PELI2: variants seen among roughly 807,000 people sequenced by gnomAD.
PELI2 encodes the protein E3 ubiquitin-protein ligase pellino homolog 2.
PELI2 carries 23 observed loss-of-function variants against 42.3 expected under a neutral mutation model. That is an observed-to-expected ratio of 0.54 (90% CI 0.39 to 0.77). The LOEUF is 0.77. Among genes scored for constraint, PELI2 ranks in the 30% least tolerant of loss-of-function variants. PELI2 has a pLI of 0.00. For synonymous variants in PELI2, 245 were observed against 212.2 expected (o/e 1.15, Z -1.34); for missense variants, 463 against 553.2 (o/e 0.84, Z 1.64).
chr14:56,125,404 T>G, intron 1 of PELI2, among the ~76,000 whole-genome samples: 1 of 138,898 alleles, frequency 7.2e-6, no homozygotes, highest in Non-Finnish European at 1.6e-5. Context: ...GGAAGAGAGT[T>G]ATTGGGTGGG....
chr14:56,202,587 A>C (rs1321122658), intron 2 of PELI2, among the ~76,000 whole-genome samples: 1 of 151,978 alleles, frequency 6.6e-6, no homozygotes. Context: ...GTGTCTGATG[A>C]TATTTGGATG....
At chr14:56,210,142 A>G (rs1208683665) in intron 2 of PELI2, among the ~76,000 whole-genome samples, 2 of 152,138 alleles carry the variant, frequency 1.3e-5, no homozygotes, top group East Asian at 1.9e-4. Context: ...GAAGCATGCC[A>G]AAGTATTTAG....
chr14:56,128,644 C>G (rs1883367790), intron 1 of PELI2, among the ~76,000 whole-genome samples: 2 of 151,942 alleles, frequency 1.3e-5, no homozygotes, highest in Non-Finnish European at 2.9e-5. Context: ...GATTTTGGAA[C>G]CTTGAGGGGT....
intron 2 of PELI2, among the ~76,000 whole-genome samples, chr14:56,192,070 G>C (rs1293771046): frequency 2.6e-5 from 4 of 152,208 alleles, no homozygotes; most frequent in African/African-American, 9.6e-5. Context: ...GGCCAGGCTG[G>C]TCTTGAACTG....
At chr14:56,222,976 AAATGGTGAAC>A (rs1248000311) in intron 2 of PELI2, among the ~76,000 whole-genome samples, 19 of 152,140 alleles carry the variant, frequency 1.2e-4, no homozygotes, top group African/African-American at 4.3e-4. Flanking sequence ...ATACCTTGGC[AAATGGTGAAC>A]AATCGAGGAC....
At chr14:56,247,096 T>C (rs1888189216) in intron 2 of PELI2, among the ~76,000 whole-genome samples, 1 of 152,174 alleles carries the variant, frequency 6.6e-6, no homozygotes, top group Non-Finnish European at 1.5e-5. Flanking sequence ...AATGGACCTG[T>C]AGAATTGTGT....
chr14:56,246,693 TA>T (rs1237869239), intron 2 of PELI2, among the ~76,000 whole-genome samples: 1 of 152,188 alleles, frequency 6.6e-6, no homozygotes, highest in Non-Finnish European at 1.5e-5. Flanking sequence ...ACTTTGCAAA[TA>T]GTTTTGATTA....
chr14:56,213,925 C>T (rs565954169), intron 2 of PELI2, among the ~76,000 whole-genome samples: 2 of 151,700 alleles, frequency 1.3e-5, no homozygotes, highest in African/African-American at 2.4e-5. Context: ...GATCTCGGCT[C>T]GCTGCAACCT....
At chr14:56,248,381 T>C (rs12590635) in intron 2 of PELI2, among the ~76,000 whole-genome samples, 28,628 of 152,084 alleles carry the variant, frequency 0.19, 2,766 homozygotes, top group East Asian at 0.23. Context: ...CTTTTTTTTT[T>C]TAATCTGAAA....
chr14:56,138,362 T>C (rs1302482286), intron 1 of PELI2, among the ~76,000 whole-genome samples: 1 of 152,222 alleles, frequency 6.6e-6, no homozygotes, highest in Admixed American at 6.5e-5. Context: ...AGTTAGAGTC[T>C]GATTGTGGAA....
chr14:56,130,983 T>C (rs1317845082), intron 1 of PELI2, among the ~76,000 whole-genome samples: 1 of 152,252 alleles, frequency 6.6e-6, no homozygotes, highest in Non-Finnish European at 1.5e-5. Context: ...GGGCTTCAAG[T>C]ACTTTTCCTC....
At chr14:56,213,878 G>T (rs928439616) in intron 2 of PELI2, among the ~76,000 whole-genome samples, 3 of 152,142 alleles carry the variant, frequency 2.0e-5, no homozygotes, top group African/African-American at 4.8e-5. Flanking sequence ...TTGAGACAGG[G>T]TCTCACTCTG....
At chr14:56,143,480 C>T (rs1195083181) in intron 1 of PELI2, among the ~76,000 whole-genome samples, 1 of 152,216 alleles carries the variant, frequency 6.6e-6, no homozygotes. Context: ...ATTTTAGCAT[C>T]CATCAGTAGA....
chr14:56,140,790 G>T (rs1883876261), intron 1 of PELI2, among the ~76,000 whole-genome samples: 1 of 152,144 alleles, frequency 6.6e-6, no homozygotes, highest in Non-Finnish European at 1.5e-5. Context: ...AAGAACTGGT[G>T]CCCACAGGAT....
At chr14:56,224,716 G>T (rs1005186491) in intron 2 of PELI2, among the ~76,000 whole-genome samples, 1 of 152,126 alleles carries the variant, frequency 6.6e-6, no homozygotes, top group Non-Finnish European at 1.5e-5. Flanking sequence ...ATATATACAT[G>T]GAAGGAAATG....
chr14:56,223,643 CTTGA>C (rs1887233736), intron 2 of PELI2, among the ~76,000 whole-genome samples: 1 of 152,150 alleles, frequency 6.6e-6, no homozygotes, highest in Non-Finnish European at 1.5e-5. Context: ...GCATACATGT[CTTGA>C]TTATTTTTCT....
rs757787548 is a variant in PELI2, at chr14:56,219,242, G to GGAAGGAAGAAGACA, written c.207+40790_207+40803dup. Among the ~76,000 whole-genome samples the GGAAGGAAGAAGACA allele has an allele frequency of 6.6e-6, 1 of 151,872 alleles. No individual in the cohort carries two copies. The highest frequency in any genetic ancestry group is 2.4e-5 in the African/African-American group (1 of 41,304). Reference sequence around the variant, plus strand: ...GAGCAGAGAGTTTAATAGGCAAGAAGGAAGGAAGAAGACAGAAGGAAGAAG... The same window carrying GGAAGGAAGAAGACA: ...GAGCAGAGAGTTTAATAGGCAAGAAGGAAGGAAGAAGACAGAAGGAAGAAGACAGAAGGAAGAAG... On this transcript the variant is annotated intron_variant, in intron 2 of 5. Coordinates refer to ENST00000267460, the MANE Select transcript of PELI2 (RefSeq NM_021255.3). The surrounding 1 kb of genome is among the most constrained non-coding windows in gnomAD (Gnocchi z 4.1).
At chr14:56,140,346 G>T (rs1195330994) in intron 1 of PELI2, among the ~76,000 whole-genome samples, 2 of 152,146 alleles carry the variant, frequency 1.3e-5, no homozygotes, top group African/African-American at 4.8e-5. Flanking sequence ...CACTTTAAAT[G>T]AAAGCCATTT....
intron 1 of PELI2, among the ~76,000 whole-genome samples, chr14:56,156,444 C>T (rs1477449238): frequency 6.6e-6 from 1 of 152,158 alleles, no homozygotes; most frequent in Non-Finnish European, 1.5e-5. Flanking sequence ...TGGCATTATT[C>T]CAACAAACTA....
Sources: gnomAD v4.1 joint callset for allele counts (sites outside exome capture counted in the v4.1 genomes callset) on GRCh38, gnomAD v4.1.1 for gene constraint, Gnocchi (gnomAD v3.1) non-coding constraint, MANE v1.5 for transcripts, NCBI Gene and HGNC (gene_info 2026-07-23, HGNC 2026-07-21) for gene names.